The following MCM9 variants were observed in gnomAD, a reference collection of about 807,000 sequenced individuals.
The protein encoded by MCM9 is DNA helicase MCM9.
Under a neutral mutation model 72.8 loss-of-function variants are expected in MCM9, and 55 were observed. The observed-to-expected ratio is 0.76, with a 90% CI of 0.61 to 0.95. MCM9 has a LOEUF of 0.95. Ranked by LOEUF, MCM9 falls within the 40% of genes least tolerant of loss-of-function variation. The pLI is 0.00. For missense variants in MCM9, 1,279 were observed against 1,377.0 expected, an observed-to-expected ratio of 0.93 and a Z score of 1.13; for synonymous variants, 480 against 503.4, an observed-to-expected ratio of 0.95 and a Z score of 0.62.
At chr6:118,905,571 T>C (rs1780125638) in intron 8 of MCM9, 1 of 1,137,528 alleles carries the variant, frequency 8.8e-7, no homozygotes, top group Non-Finnish European at 1.2e-6. Context: ...CTGATGGTTC[T>C]AGGTAACTGA....
At chr6:118,881,952 T>C (rs1320380618) in intron 8 of MCM9, among the ~76,000 whole-genome samples, 1 of 152,178 alleles carries the variant, frequency 6.6e-6, no homozygotes, top group Non-Finnish European at 1.5e-5. Context: ...CCCTATGAGC[T>C]CTTAATCAAG....
chr6:118,867,234 G>A (rs1031551700), intron 8 of MCM9, among the ~76,000 whole-genome samples: 1 of 152,134 alleles, frequency 6.6e-6, no homozygotes, highest in Non-Finnish European at 1.5e-5. Context: ...GAAGACATAA[G>A]AGAGTATAGT....
chr6:118,913,164 A>C, intron 7 of MCM9, 131 bp downstream of exon 7: 1 of 1,023,668 alleles, frequency 9.8e-7, no homozygotes, highest in Non-Finnish European at 1.4e-6. Context: ...TAAGATATTC[A>C]GACAACTGTC....
At chr6:118,907,371 T>G in intron 8 of MCM9, 3 of 1,476,114 alleles carry the variant, frequency 2.0e-6, no homozygotes, top group Non-Finnish European at 2.8e-6. Flanking sequence ...TTCTTAGTGT[T>G]TACCATTTGT....
At chr6:118,885,706 C>G (rs1778554981) in intron 8 of MCM9, among the ~76,000 whole-genome samples, 1 of 152,128 alleles carries the variant, frequency 6.6e-6, no homozygotes. Flanking sequence ...AAAAACAACA[C>G]AGATAACTTC....
At chr6:118,894,304 C>G in intron 8 of MCM9, 1 of 1,498,020 alleles carries the variant, frequency 6.7e-7, no homozygotes, top group African/African-American at 1.4e-5. Flanking sequence ...CGCTGCACGA[C>G]GTCTGGCCGG....
intron 3 of MCM9, among the ~76,000 whole-genome samples, chr6:118,930,554 T>C (rs1782336158): frequency 6.6e-6 from 1 of 152,252 alleles, no homozygotes; most frequent in African/African-American, 2.4e-5. Flanking sequence ...CCTTTATTAA[T>C]TTATACAATA....
At chr6:118,869,619 A>AAAAAAAAAAAAAAAAAAAAAAAAAAG (rs1777467136) in intron 8 of MCM9, among the ~76,000 whole-genome samples, 1 of 146,490 alleles carries the variant, frequency 6.8e-6, no homozygotes, top group African/African-American at 2.5e-5. Context: ...AAAAAAAAAA[A>AAAAAAAAAAAAAAAAAAAAAAAAAAG]GAAGCCAATT....
intron 13 of MCM9, among the ~76,000 whole-genome samples, chr6:118,822,133 G>A (rs1399564846): frequency 1.3e-5 from 2 of 152,102 alleles, no homozygotes; most frequent in Non-Finnish European, 1.5e-5. Context: ...CTGTCAATTC[G>A]TCAATCTCAT....
At chr6:118,833,586 A>C (rs1774742458) in intron 9 of MCM9, among the ~76,000 whole-genome samples, 1 of 152,220 alleles carries the variant, frequency 6.6e-6, no homozygotes, top group Non-Finnish European at 1.5e-5. Flanking sequence ...ACACAATGGA[A>C]AATTGTTCAG....
chr6:118,875,401 C>T (rs896214611), intron 8 of MCM9, among the ~76,000 whole-genome samples: 7 of 152,148 alleles, frequency 4.6e-5, no homozygotes, highest in African/African-American at 1.7e-4. Context: ...TTTGGGAAGC[C>T]AAAGCAGGCA....
chr6:118,814,879 A>G lies in MCM9; in HGVS notation c.3377T>C (p.Leu1126Pro). 6.5e-7 allele frequency: 1 copy of G among 1,543,292 alleles called. No individual in the cohort carries two copies. The highest frequency in any genetic ancestry group is 1.4e-5 in the African/African-American group (1 of 72,424). ...SKESLFTLPE[L>P]GDEAFDCDWD... is the part of the protein sequence containing the mutation. ...GTCACAATCAAATGCTTCATCACCT[A>G]GTTCTGGTAAAGTGAAGAGGGATTC... The change falls in exon 14 of 14, where the codon CTA becomes CCA. Residue 1126 changes from leucine (L) to proline (P), a missense_variant. Coordinates refer to ENST00000619706, the MANE Select transcript of MCM9 (RefSeq NM_017696.3).
chr6:118,844,424 A>T (rs1251508668), intron 9 of MCM9, among the ~76,000 whole-genome samples: 1 of 151,700 alleles, frequency 6.6e-6, no homozygotes, highest in Non-Finnish European at 1.5e-5. Context: ...CCACCACCAA[A>T]CAGATGATAG....
intron 9 of MCM9, among the ~76,000 whole-genome samples, chr6:118,844,384 G>A (rs1327674670): frequency 3.3e-5 from 5 of 151,670 alleles, no homozygotes; most frequent in African/African-American, 9.8e-5. Flanking sequence ...ATGAGTTAAC[G>A]TGGAACTTTT....
rs776731849 is a variant in MCM9 at position 118,868,065 on chromosome 6, C to T, written c.1151-11520G>A. Among the ~76,000 whole-genome samples the T allele has an allele frequency of 9.2e-5, 14 of 151,836 alleles. 1 individual carries two copies. The highest frequency in any genetic ancestry group is 8.3e-4 in the South Asian group (4 of 4,812). On this transcript the variant is annotated intron_variant, in intron 8 of 13. Transcript: ENST00000619706. ...CTAATTTTTGTATTTTTAGTAGAGA[C>T]GGGGTTTCACCATGTTGGCCAGGCT...
chr6:118,853,338 C>A (rs913005393), intron 9 of MCM9, among the ~76,000 whole-genome samples: 1 of 152,110 alleles, frequency 6.6e-6, no homozygotes, highest in Non-Finnish European at 1.5e-5. Context: ...CTTAAAACAA[C>A]GTAAGTCCTC....
In MCM9 at chr6:118,925,603, G is replaced by A. The variant is rs546032930; in HGVS notation, c.305-1476C>T. Among the ~76,000 whole-genome samples the A allele has an allele frequency of 6.6e-5, 10 of 152,290 alleles. No homozygotes were observed. In the South Asian group the frequency reaches 2.1e-3, roughly 32 times the overall value. On this transcript the variant is annotated intron_variant, in intron 3 of 13. Coordinates refer to ENST00000619706, the MANE Select transcript of MCM9 (RefSeq NM_017696.3). ...CTCTCCATACACTGTAGAGTGTATAGACAAACAAGGTGGCCATTGCCAACA... is the reference window on the plus strand; with the variant it reads ...CTCTCCATACACTGTAGAGTGTATAAACAAACAAGGTGGCCATTGCCAACA...
chr6:118,870,504 A>C (rs1403508275), intron 8 of MCM9, among the ~76,000 whole-genome samples: 1 of 152,168 alleles, frequency 6.6e-6, no homozygotes, highest in Non-Finnish European at 1.5e-5. Context: ...CTAAGAGGGA[A>C]GTTTATAACA....
At chr6:118,910,484 A>G (rs988393527) in intron 8 of MCM9, 9 of 278,534 alleles carry the variant, frequency 3.2e-5, no homozygotes, top group African/African-American at 2.1e-4. Context: ...GTGAATCAGC[A>G]GCAATTCACT....
Sources: gnomAD v4.1 joint callset for allele counts (sites outside exome capture counted in the v4.1 genomes callset) on GRCh38, gnomAD v4.1.1 for gene constraint, MANE v1.5 for transcripts, NCBI Gene and HGNC (gene_info 2026-07-23, HGNC 2026-07-21) for gene names.